The following UBXN4 variants were observed in gnomAD, a reference collection of about 807,000 sequenced individuals.
The protein encoded by UBXN4 is UBX domain protein 4, also known as UBX domain-containing protein 4.
Under a neutral mutation model 66.2 loss-of-function variants are expected in UBXN4, and 35 were observed. That is an observed-to-expected ratio of 0.53 (90% CI 0.40 to 0.70). The LOEUF is 0.70. Ranked by LOEUF, UBXN4 falls within the 30% of genes least tolerant of loss-of-function variation. The pLI is 0.00. For missense variants in UBXN4, 533 were observed against 599.8 expected (o/e 0.89, Z 1.16); for synonymous variants, 203 against 204.5 (o/e 0.99, Z 0.06).
chr2:135,780,862 C>A (rs2077445299), intron 12 of UBXN4, among the ~76,000 whole-genome samples: 1 of 152,150 alleles, frequency 6.6e-6, no homozygotes, highest in African/African-American at 2.4e-5. Context: ...AGAGAAGGAC[C>A]AAATTGTGGA....
chr2:135,745,230 G>T (rs1295042170), intron 1 of UBXN4, among the ~76,000 whole-genome samples: 1 of 152,058 alleles, frequency 6.6e-6, no homozygotes, highest in African/African-American at 2.4e-5. Flanking sequence ...GTCTCTTCTT[G>T]AGCTCCGGAT....
intron 1 of UBXN4, among the ~76,000 whole-genome samples, chr2:135,743,626 C>A (rs2077191033): frequency 6.6e-6 from 1 of 152,096 alleles, no homozygotes. Context: ...AAGGAAAAAA[C>A]TGAACAATTT....
chr2:135,758,710 TATAAG>T (rs1290999223), intron 5 of UBXN4, among the ~76,000 whole-genome samples: 1 of 152,138 alleles, frequency 6.6e-6, no homozygotes, highest in African/African-American at 2.4e-5. Context: ...ATCTCTAAAA[TATAAG>T]AAAGGAATAT....
At chr2:135,782,041 C>T (rs1010828775) in intron 12 of UBXN4, among the ~76,000 whole-genome samples, 2 of 152,142 alleles carry the variant, frequency 1.3e-5, no homozygotes, top group African/African-American at 2.4e-5. Context: ...TGCCACTGCA[C>T]TCTAGCCTGG....
chr2:135,754,360 C>A, intron 4 of UBXN4, 83 bp downstream of exon 4: 1 of 1,093,364 alleles, frequency 9.1e-7, no homozygotes, highest in South Asian at 1.4e-5. Context: ...CTCGTTCTGT[C>A]GCCCAGGCTG....
intron 10 of UBXN4, among the ~76,000 whole-genome samples, chr2:135,777,442 A>C (rs2105508738): frequency 6.6e-6 from 1 of 152,294 alleles, no homozygotes; most frequent in South Asian, 2.1e-4. Context: ...TTTCCCCCTA[A>C]GCTTTATAGT....
chr2:135,775,450 T>C (rs1024273408), intron 9 of UBXN4, among the ~76,000 whole-genome samples: 1 of 152,140 alleles, frequency 6.6e-6, no homozygotes, highest in African/African-American at 2.4e-5. Flanking sequence ...TACAACAATG[T>C]TTTTCAGCAA....
chr2:135,766,175 C>T (rs2077346506), intron 6 of UBXN4, among the ~76,000 whole-genome samples: 2 of 151,314 alleles, frequency 1.3e-5, no homozygotes, highest in African/African-American at 2.4e-5. Context: ...AAAGTCGAAG[C>T]CCAAATGTAG....
intron 2 of UBXN4, among the ~76,000 whole-genome samples, chr2:135,750,757 A>G (rs1044238105): frequency 3.3e-5 from 5 of 151,176 alleles, no homozygotes; most frequent in Admixed American, 2.0e-4. Context: ...GGCAAGAAGA[A>G]TATAGGGATT....
intron 6 of UBXN4, among the ~76,000 whole-genome samples, chr2:135,765,402 G>A (rs1366737917): frequency 6.6e-6 from 1 of 151,698 alleles, no homozygotes; most frequent in African/African-American, 2.4e-5. Context: ...TAGAGGCAGG[G>A]GTTTCACCAT....
chr2:135,742,116 C>T (rs2077178438), intron 1 of UBXN4, 105 bp downstream of exon 1: 5 of 1,352,436 alleles, frequency 3.7e-6, no homozygotes, highest in Non-Finnish European at 5.1e-6. Flanking sequence ...GACGCGGGCT[C>T]CTGTCGGCTC....
At position 135,779,077 on chromosome 2, in the gene UBXN4, C is replaced by A. The variant is rs776934857; in HGVS notation, c.1183C>A (p.Pro395Thr). The change falls in exon 11 of 13, where the codon CCA (proline) becomes ACA (threonine). Residue 395 changes from proline (P) to threonine (T), a missense_variant and splice_region_variant. Pro to Thr is a conservative substitution (Grantham distance 38). Around this residue, in one of 2 missense-constraint regions of UBXN4, gnomAD observed 529 missense variants for 580.1 expected, o/e 0.91. Coordinates refer to ENST00000272638, the MANE Select transcript of UBXN4 (RefSeq NM_014607.4). ...CCCAAGCGCTTCGGTGGTACTGTTG[C>A]CAGTATGTATATACAGATGCATTTT... ...LAPSASVVLL[P>T]AGRPTASIVH... The A allele has an allele frequency of 1.5e-5, 24 of 1,611,422 alleles. No homozygotes were observed. Among genetic ancestry groups the A allele is most frequent in the Middle Eastern group, 3.3e-4 (2 of 6,076 alleles).
intron 1 of UBXN4, among the ~76,000 whole-genome samples, chr2:135,745,352 GCTTAA>G (rs1192030665): frequency 4.6e-5 from 7 of 152,212 alleles, no homozygotes; most frequent in African/African-American, 1.7e-4. Flanking sequence ...TTAGATTTTA[GCTTAA>G]CTGTCACCTC....
chr2:135,756,821 C>T (rs2077281518), intron 5 of UBXN4, among the ~76,000 whole-genome samples: 1 of 152,042 alleles, frequency 6.6e-6, no homozygotes, highest in African/African-American at 2.4e-5. Flanking sequence ...TATCTTCATT[C>T]TGGAAGGATA....
intron 9 of UBXN4, among the ~76,000 whole-genome samples, chr2:135,775,850 T>G (rs1575323590): frequency 3.3e-5 from 5 of 152,340 alleles, no homozygotes; most frequent in Admixed American, 3.3e-4. Flanking sequence ...TACTGCAACC[T>G]ACACCTCCCG....
intron 1 of UBXN4, among the ~76,000 whole-genome samples, chr2:135,745,875 C>CTTTGTTTTTTTTTTTTTTT (rs2077204310): frequency 1.3e-5 from 1 of 74,398 alleles, no homozygotes; most frequent in African/African-American, 5.1e-5. Context: ...GTCCCGTTTA[C>CTTTGTTTTTTTTTTTTTTT]TTTTTTTTTT....
chr2:135,779,048 T>A lies in UBXN4; in HGVS notation c.1154T>A (p.Leu385His). Residue 385 changes from leucine (L) to histidine (H), a missense_variant, in exon 11 of 13, where the codon CTT (leucine) becomes CAT (histidine). Leu to His is a moderately conservative substitution (Grantham distance 99). Coordinates refer to ENST00000272638, the MANE Select transcript of UBXN4 (RefSeq NM_014607.4). ...DYKKKLLDLE[L>H]APSASVVLLP... ...AAAAAGAAGTTACTGGATTTGGAAC[T>A]TGCCCCAAGCGCTTCGGTGGTACTG... The A allele has an allele frequency of 6.2e-7, 1 of 1,613,684 alleles. No homozygotes were observed. Among genetic ancestry groups the A allele is most frequent in the Non-Finnish European group, 8.5e-7 (1 of 1,179,836 alleles).
chr2:135,770,717 A>G lies in UBXN4; in HGVS notation c.804A>G (p.Ile268Met), dbSNP rs775866584. 2 of 1,533,582 alleles carry G rather than the reference A, an allele frequency of 1.3e-6. No individual in the cohort carries two copies. The highest frequency in any genetic ancestry group is 8.7e-7 in the Non-Finnish European group (1 of 1,149,758). 95.0% of individuals were successfully genotyped at this position (1,533,582 alleles called of 1,614,324 possible). A position where few individuals can be genotyped will look rare whatever the true frequency, so the allele number is the denominator to read the frequency against. Residue 268 changes from isoleucine (I) to methionine (M), a missense_variant, in exon 8 of 13, where the codon ATA becomes ATG. This residue lies in a region of UBXN4 where 529 missense variants were observed against 580.1 expected (regional missense o/e 0.91). Coordinates refer to ENST00000272638, the MANE Select transcript of UBXN4 (RefSeq NM_014607.4). ...AAGATAGGGCAGCTCGAGAACGTATAAAACAGCAGATTGCATTGGTAAGTC... is the reference window on the plus strand; with the variant it reads ...AAGATAGGGCAGCTCGAGAACGTATGAAACAGCAGATTGCATTGGTAAGTC... ...KAEDRAARER[I>M]KQQIALDRAE...
chr2:135,773,536 G>A (rs1259060859), intron 9 of UBXN4, among the ~76,000 whole-genome samples: 1 of 152,202 alleles, frequency 6.6e-6, no homozygotes, highest in East Asian at 1.9e-4. Context: ...GTTGGAGGAG[G>A]TGACATGCCC....
Sources: gnomAD v4.1 joint callset for allele counts (sites outside exome capture counted in the v4.1 genomes callset) on GRCh38, gnomAD v4.1.1 for gene constraint, gnomAD v4.1.1 regional missense constraint, MANE v1.5 for transcripts, NCBI Gene and HGNC (gene_info 2026-07-23, HGNC 2026-07-21) for gene names.